Variants in BACH2 observed in about 807,000 individuals in gnomAD.
The protein encoded by BACH2 is BACH transcriptional regulator 2, also known as transcription regulator protein BACH2.
Under a neutral mutation model 61.8 loss-of-function variants are expected in BACH2, and 5 were observed. The observed-to-expected ratio is 0.08, with a 90% CI of 0.04 to 0.17. BACH2 has a LOEUF of 0.17. Ranked by LOEUF, BACH2 falls within the 10% of genes least tolerant of loss-of-function variation. The pLI, the probability that BACH2 is intolerant of heterozygous loss-of-function variation, is 1.00. For synonymous variants in BACH2, 446 were observed against 440.1 expected (o/e 1.01, Z -0.17); for missense variants, 824 against 1,091.1 (o/e 0.76, Z 3.45).
chr6:90,270,241 A>G (rs957228807), intron 2 of BACH2, among the ~76,000 whole-genome samples: 1 of 152,202 alleles, frequency 6.6e-6, no homozygotes, highest in African/African-American at 2.4e-5. Context: ...CTTTGGGTAG[A>G]TAATAGTGGG....
In BACH2 at chr6:90,012,507, G is replaced by C. The variant is rs974124309; in HGVS notation, c.-12-3651C>G. Among the ~76,000 whole-genome samples the C allele has an allele frequency of 2.6e-5, 4 of 151,808 alleles. 1 individual carries two copies. On this transcript the variant is annotated intron_variant, in intron 5 of 8. Coordinates refer to ENST00000257749, the MANE Select transcript of BACH2 (RefSeq NM_021813.4). ...TAGCCAGGCATGGTAGCGTGTGCCT[G>C]TAATCCCAGCTACTTGGGAGGCTGA...
chr6:89,949,492 C>T (rs576225087), intron 7 of BACH2, among the ~76,000 whole-genome samples: 1 of 152,256 alleles, frequency 6.6e-6, no homozygotes, highest in East Asian at 1.9e-4. Context: ...GTCTTGCTCA[C>T]GATGTGGCTG....
chr6:89,926,698 C>A lies in BACH2; in HGVS notation c.*5710G>T, dbSNP rs200683305. Reference sequence around the variant, plus strand: ...CATTAGTTCATAGCAATGCTTTTTTCCCCCAAAAGGTAAAAATTCTTAGTT... The same window carrying A: ...CATTAGTTCATAGCAATGCTTTTTTACCCCAAAAGGTAAAAATTCTTAGTT... On this transcript the variant is annotated 3_prime_UTR_variant, in exon 9 of 9. Coordinates refer to ENST00000257749, the MANE Select transcript of BACH2 (RefSeq NM_021813.4). 6.7e-6 allele frequency: 1 copy of A among 149,154 alleles called. No individual in the cohort carries two copies. Among genetic ancestry groups the A allele is most frequent in the Non-Finnish European group, 1.5e-5 (1 of 67,214 alleles). The allele number at this position is 149,154 out of a possible 1,614,324, so 9.2% of individuals were successfully genotyped here.
chr6:90,035,628 CG>C (rs1779224124), intron 5 of BACH2, among the ~76,000 whole-genome samples: 1 of 151,758 alleles, frequency 6.6e-6, no homozygotes, highest in Non-Finnish European at 1.5e-5. Flanking sequence ...TTGTTGGGAC[CG>C]GGGGTTCCTC....
chr6:89,969,653 C>T (rs1451384078), intron 6 of BACH2, among the ~76,000 whole-genome samples: 1 of 152,194 alleles, frequency 6.6e-6, no homozygotes, highest in Non-Finnish European at 1.5e-5. Context: ...CTGGGATTAA[C>T]ACCCTTCTCT....
At chr6:90,223,012 T>C (rs926303134) in intron 3 of BACH2, among the ~76,000 whole-genome samples, 10 of 152,174 alleles carry the variant, frequency 6.6e-5, no homozygotes, top group East Asian at 1.9e-4. Context: ...CCCTAGCCAA[T>C]AGGGGAAAGA....
intron 5 of BACH2, among the ~76,000 whole-genome samples, chr6:90,029,318 T>C (rs1344974743): frequency 1.3e-5 from 2 of 152,136 alleles, no homozygotes; most frequent in African/African-American, 4.8e-5. Context: ...AGTCTCCTTA[T>C]GTGTGAAATG....
chr6:89,990,033 C>A, intron 6 of BACH2, among the ~76,000 whole-genome samples: 1 of 152,110 alleles, frequency 6.6e-6, no homozygotes, highest in Non-Finnish European at 1.5e-5. Flanking sequence ...GTCTGGGAAC[C>A]ACTGTTACAC....
At chr6:90,268,810 A>T (rs1284004393) in intron 2 of BACH2, among the ~76,000 whole-genome samples, 1 of 152,202 alleles carries the variant, frequency 6.6e-6, no homozygotes, top group Non-Finnish European at 1.5e-5. Context: ...ATAATGAAAG[A>T]TTAGATTCTA....
chr6:90,249,951 G>GT (rs1770754225), intron 3 of BACH2, among the ~76,000 whole-genome samples: 1 of 152,154 alleles, frequency 6.6e-6, no homozygotes, highest in African/African-American at 2.4e-5. Context: ...TTAAATGGGA[G>GT]ATAGGTTATT....
At chr6:90,031,460 T>A (rs374370824) in intron 5 of BACH2, among the ~76,000 whole-genome samples, 4 of 152,132 alleles carry the variant, frequency 2.6e-5, no homozygotes, top group Admixed American at 1.3e-4. Flanking sequence ...AAACCCCATC[T>A]TCTCAGCCCA....
intron 3 of BACH2, among the ~76,000 whole-genome samples, chr6:90,229,428 C>A (rs1582510783): frequency 6.6e-6 from 1 of 151,508 alleles, no homozygotes; most frequent in African/African-American, 2.4e-5. Flanking sequence ...CCACTGCACT[C>A]CAACCTGGGC....
At chr6:90,188,472 G>T (rs2127843747) in intron 4 of BACH2, among the ~76,000 whole-genome samples, 1 of 151,580 alleles carries the variant, frequency 6.6e-6, no homozygotes, top group Non-Finnish European at 1.5e-5. Context: ...CCCGGGCACT[G>T]ATTTATTCAT....
Position 90,029,059 on chromosome 6 carries a change from C to T in BACH2, c.-12-20203G>A, listed in dbSNP as rs541012746. Among the ~76,000 whole-genome samples, 17 of 152,318 alleles carry T rather than the reference C, an allele frequency of 1.1e-4. 2 individuals are homozygous for T. The South Asian group carries it at 2.5e-3, about 22-fold the overall frequency. ...TCATTTCCAGTTTGACAATGGCTTGCCTTTTCTTCACGTAAGTATTTCCTG... is the reference window on the plus strand; with the variant it reads ...TCATTTCCAGTTTGACAATGGCTTGTCTTTTCTTCACGTAAGTATTTCCTG... On this transcript the variant is annotated intron_variant, in intron 5 of 8. Coordinates refer to ENST00000257749, the MANE Select transcript of BACH2 (RefSeq NM_021813.4).
At chr6:90,151,541 T>C (rs935420379) in intron 4 of BACH2, among the ~76,000 whole-genome samples, 1 of 152,232 alleles carries the variant, frequency 6.6e-6, no homozygotes, top group Non-Finnish European at 1.5e-5. Flanking sequence ...TGTTCCCACC[T>C]TGGTCTCCCA....
At chr6:90,174,733 G>A (rs1767931755) in intron 4 of BACH2, among the ~76,000 whole-genome samples, 1 of 151,988 alleles carries the variant, frequency 6.6e-6, no homozygotes, top group Non-Finnish European at 1.5e-5. Flanking sequence ...CTATAGCAAT[G>A]AAAATGAATG....
chr6:90,274,089 C>T (rs992015217), intron 1 of BACH2, among the ~76,000 whole-genome samples: 10 of 152,138 alleles, frequency 6.6e-5, no homozygotes, highest in East Asian at 1.9e-4. Context: ...ACTGAATAAA[C>T]GAAAACCTTT....
chr6:90,166,040 A>G (rs1202494176), intron 4 of BACH2, among the ~76,000 whole-genome samples: 1 of 152,074 alleles, frequency 6.6e-6, no homozygotes. Context: ...AATGGCAACA[A>G]AAGCCAAAAT....
intron 4 of BACH2, among the ~76,000 whole-genome samples, chr6:90,188,760 G>GAAAA (rs57618295): frequency 8.9e-5 from 7 of 78,748 alleles, no homozygotes; most frequent in Non-Finnish European, 1.6e-4. Flanking sequence ...GCCCCAAAAT[G>GAAAA]AAAAAAAAAA....
Sources: allele counts gnomAD v4.1 joint callset (sites outside exome capture counted in the v4.1 genomes callset), GRCh38; gene constraint gnomAD v4.1.1; transcripts MANE v1.5; gene names NCBI Gene and HGNC (gene_info 2026-07-23, HGNC 2026-07-21).